Variants in CUL5 observed in about 807,000 individuals in gnomAD.
CUL5 encodes cullin 5.
CUL5 carries 26 observed loss-of-function variants against 108.8 expected under a neutral mutation model. The ratio of observed to expected loss-of-function variants is 0.24; its 90% CI spans 0.18 to 0.33. CUL5 has a LOEUF of 0.33. Ranked by LOEUF, CUL5 falls within the 10% of genes least tolerant of loss-of-function variation. The pLI is 1.00. For synonymous variants in CUL5, 334 were observed against 298.0 expected (o/e 1.12, Z -1.25); for missense variants, 524 against 909.2 (o/e 0.58, Z 5.45).
chr11:108,079,953 T>G (rs1057012097), intron 11 of CUL5, among the ~76,000 whole-genome samples: 2 of 152,188 alleles, frequency 1.3e-5, no homozygotes, highest in Non-Finnish European at 2.9e-5. Flanking sequence ...TATTCTCTTT[T>G]ACACTTCCAC....
intron 1 of CUL5, among the ~76,000 whole-genome samples, chr11:108,013,001 C>G (rs1862091710): frequency 6.6e-6 from 1 of 152,160 alleles, no homozygotes; most frequent in Admixed American, 6.5e-5. Flanking sequence ...ATTCTTTGCC[C>G]TTTAACTTAA....
chr11:108,035,618 G>C (rs1357451111), intron 2 of CUL5, among the ~76,000 whole-genome samples: 1 of 151,730 alleles, frequency 6.6e-6, no homozygotes. Flanking sequence ...GCACATGCCT[G>C]TAGTCCCATC....
chr11:108,051,711 T>A, intron 4 of CUL5, among the ~76,000 whole-genome samples: 1 of 152,204 alleles, frequency 6.6e-6, no homozygotes. Flanking sequence ...AGTATCAGAT[T>A]TTCAGTTGGT....
chr11:108,033,730 A>T, intron 1 of CUL5, 72 bp from the exon 2 acceptor site: 1 of 943,986 alleles, frequency 1.1e-6, no homozygotes, highest in African/African-American at 1.7e-5. Context: ...TAGCTGTCTC[A>T]TAAAAATTAC....
intron 4 of CUL5, among the ~76,000 whole-genome samples, chr11:108,050,543 T>G (rs1364024179): frequency 6.6e-6 from 1 of 152,130 alleles, no homozygotes; most frequent in Non-Finnish European, 1.5e-5. Flanking sequence ...TTTTATTGTA[T>G]TTTTAGTGGA....
At chr11:108,064,922 A>G (rs540510615) in intron 7 of CUL5, among the ~76,000 whole-genome samples, 3 of 152,278 alleles carry the variant, frequency 2.0e-5, no homozygotes, top group East Asian at 1.9e-4. Context: ...TAGAATTGAT[A>G]TTAGTTCTAC....
At chr11:108,095,426 A>C in intron 15 of CUL5, 104 bp from the exon 16 acceptor site, 1 of 739,804 alleles carries the variant, frequency 1.4e-6, no homozygotes, top group Non-Finnish European at 2.2e-6. Context: ...GAAAGAGTGG[A>C]TACTGGAAGA....
chr11:108,094,032 C>A (rs970751562), intron 13 of CUL5, among the ~76,000 whole-genome samples: 1 of 152,166 alleles, frequency 6.6e-6, no homozygotes, highest in Non-Finnish European at 1.5e-5. Context: ...GTCATTGTTA[C>A]TTTTGTCATG....
intron 7 of CUL5, among the ~76,000 whole-genome samples, chr11:108,068,426 C>T (rs1863743061): frequency 6.6e-6 from 1 of 152,020 alleles, no homozygotes; most frequent in Non-Finnish European, 1.5e-5. Context: ...TTAACTGACC[C>T]TCCCACCTCA....
chr11:108,024,875 C>T (rs1862418418), intron 1 of CUL5, among the ~76,000 whole-genome samples: 1 of 152,112 alleles, frequency 6.6e-6, no homozygotes, highest in African/African-American at 2.4e-5. Flanking sequence ...TCCATAATCT[C>T]AATTTCAAGC....
intron 10 of CUL5, among the ~76,000 whole-genome samples, chr11:108,075,096 A>G (rs1423130277): frequency 1.3e-5 from 2 of 152,204 alleles, no homozygotes; most frequent in Non-Finnish European, 2.9e-5. Flanking sequence ...GAAGGAAGAA[A>G]GAATACCAGT....
At chr11:108,025,833 T>G (rs1309536950) in intron 1 of CUL5, among the ~76,000 whole-genome samples, 4 of 152,190 alleles carry the variant, frequency 2.6e-5, no homozygotes, top group Non-Finnish European at 5.9e-5. Context: ...ACTCTGCCTC[T>G]TAAATGTAGT....
chr11:108,056,302 C>T (rs1297215642), intron 7 of CUL5, among the ~76,000 whole-genome samples: 1 of 152,152 alleles, frequency 6.6e-6, no homozygotes, highest in Non-Finnish European at 1.5e-5. Flanking sequence ...TTCTAGCTTG[C>T]CCATAATCAA....
At chr11:108,030,255 A>G (rs926381946) in intron 1 of CUL5, among the ~76,000 whole-genome samples, 2 of 152,232 alleles carry the variant, frequency 1.3e-5, no homozygotes, top group East Asian at 1.9e-4. Context: ...TTAAGTCCAT[A>G]AGGTAAAAAG....
chr11:108,086,197 C>A (rs898121722), intron 11 of CUL5, among the ~76,000 whole-genome samples: 3 of 152,134 alleles, frequency 2.0e-5, no homozygotes, highest in Admixed American at 1.3e-4. Context: ...GGGATAAATA[C>A]AAATTAAACC....
At chr11:108,047,209 C>G (rs912017911) in intron 3 of CUL5, among the ~76,000 whole-genome samples, 2 of 151,888 alleles carry the variant, frequency 1.3e-5, no homozygotes, top group African/African-American at 2.4e-5. Context: ...TGCAGCCACT[C>G]GAGAGGCTGA....
At chr11:108,078,151 T>C (rs753709657) in intron 10 of CUL5, 25 bp from the exon 11 acceptor site, 5 of 1,343,570 alleles carry the variant, frequency 3.7e-6, no homozygotes, top group Admixed American at 2.1e-5. Context: ...ATTAAAAATA[T>C]TTTATTCCAA....
intron 3 of CUL5, among the ~76,000 whole-genome samples, chr11:108,048,389 A>C (rs1863118816): frequency 6.6e-6 from 1 of 152,282 alleles, no homozygotes; most frequent in African/African-American, 2.4e-5. Context: ...AAGCTTATTA[A>C]TGCAGCAGCA....
intron 16 of CUL5, among the ~76,000 whole-genome samples, chr11:108,097,181 A>G (rs995673622): frequency 7.2e-5 from 11 of 151,902 alleles, no homozygotes; most frequent in Non-Finnish European, 1.3e-4. Context: ...CACGCTGGCT[A>G]ATTTTTGTAT....
Sources: allele counts gnomAD v4.1 joint callset (sites outside exome capture counted in the v4.1 genomes callset), GRCh38; gene constraint gnomAD v4.1.1; transcripts MANE v1.5; gene names NCBI Gene and HGNC (gene_info 2026-07-23, HGNC 2026-07-21).